Variants in ERC1 observed in about 807,000 individuals in gnomAD.
The protein encoded by ERC1 is ELKS/RAB6-interacting/CAST family member 1.
ERC1 carries 56 observed loss-of-function variants against 132.0 expected under a neutral mutation model. That is an observed-to-expected ratio of 0.42 (90% CI 0.34 to 0.53). ERC1 has a LOEUF of 0.53. Ranked by LOEUF, ERC1 falls within the 20% of genes least tolerant of loss-of-function variation. The pLI, the probability that ERC1 is intolerant of heterozygous loss-of-function variation, is 0.03. For synonymous variants in ERC1, 478 were observed against 476.1 expected (o/e 1.00, Z -0.05); for missense variants, 1,202 against 1,349.9 (o/e 0.89, Z 1.72).
intron 17 of ERC1, among the ~76,000 whole-genome samples, chr12:1,416,931 T>C (rs968122906): frequency 2.6e-5 from 4 of 152,088 alleles, no homozygotes; most frequent in African/African-American, 7.3e-5. Context: ...TTAATACCCT[T>C]CCTGCTTTTA....
Position 1,490,730 on chromosome 12 carries a change from G to T in ERC1, c.*500G>T, listed in dbSNP as rs928553727. On this transcript the variant is annotated 3_prime_UTR_variant, in exon 19 of 19. Coordinates refer to ENST00000360905, the MANE Select transcript of ERC1 (RefSeq NM_178040.4). ...TCTCAAAAAGATTAGAAAAAGAGAA[G>T]GGGGGAAGGGAAGAGAAAATCGACT... 1.7e-5 allele frequency: 4 copies of T among 233,868 alleles called. No homozygotes were observed. Among genetic ancestry groups the T allele is most frequent in the African/African-American group, 8.8e-5 (4 of 45,316 alleles). The allele number at this position is 233,868 out of a possible 1,614,324, so 14.5% of individuals were successfully genotyped here. A position where few individuals can be genotyped will look rare whatever the true frequency, so the allele number is the denominator to read the frequency against.
intron 2 of ERC1, among the ~76,000 whole-genome samples, chr12:1,082,652 G>A (rs777117619): frequency 2.0e-5 from 3 of 151,490 alleles, no homozygotes; most frequent in Non-Finnish European, 4.4e-5. Flanking sequence ...CACCACGCCC[G>A]GCTAACTTTT....
chr12:1,428,117 A>ATTT lies in ERC1; in HGVS notation c.3025-16443_3025-16441dup, dbSNP rs1387234666. On this transcript the variant is annotated intron_variant, in intron 17 of 18. Transcript: ENST00000360905. ...GGTTCATATCTTAATGATTATGGGC[A>ATTT]TTTTACTAATGAGGAAGAGCTATCT... is the stretch of plus-strand genomic sequence containing the variant. Among the ~76,000 whole-genome samples, 11 of 152,250 alleles carry ATTT rather than the reference A, an allele frequency of 7.2e-5. No individual in the cohort carries two copies. In the East Asian group the frequency reaches 2.1e-3, roughly 29 times the overall value.
intron 12 of ERC1, among the ~76,000 whole-genome samples, chr12:1,195,879 C>A (rs113121357): frequency 4.3e-5 from 6 of 138,166 alleles, no homozygotes; most frequent in African/African-American, 1.3e-4. Flanking sequence ...ATTTCCGCCC[C>A]CCCCCCCCTT....
intron 17 of ERC1, among the ~76,000 whole-genome samples, chr12:1,434,556 C>A (rs1372582604): frequency 6.6e-6 from 1 of 152,190 alleles, no homozygotes; most frequent in Non-Finnish European, 1.5e-5. Context: ...AGGGTTTGTT[C>A]TTTGCGCTCA....
intron 13 of ERC1, among the ~76,000 whole-genome samples, chr12:1,246,360 G>A (rs938659784): frequency 1.3e-5 from 2 of 152,020 alleles, no homozygotes; most frequent in Admixed American, 6.6e-5. Context: ...TATTTTAATC[G>A]TGAATGAAAT....
At chr12:1,273,971 T>C (rs2078065795) in intron 14 of ERC1, among the ~76,000 whole-genome samples, 1 of 152,220 alleles carries the variant, frequency 6.6e-6, no homozygotes, top group Admixed American at 6.5e-5. Flanking sequence ...TCAAAAGTAA[T>C]TTTTCCTTTA....
chr12:1,241,372 T>C (rs2075778459), intron 13 of ERC1, among the ~76,000 whole-genome samples: 1 of 152,220 alleles, frequency 6.6e-6, no homozygotes, highest in Admixed American at 6.5e-5. Flanking sequence ...CTCCTTTGAA[T>C]TGATATGTTA....
At chr12:1,265,617 G>T (rs1009059319) in intron 14 of ERC1, among the ~76,000 whole-genome samples, 3 of 152,140 alleles carry the variant, frequency 2.0e-5, no homozygotes, top group Admixed American at 6.5e-5. Flanking sequence ...TTTTCGTGAC[G>T]CACAGTCCCG....
chr12:1,022,238 G>A, intron 1 of ERC1, among the ~76,000 whole-genome samples: 1 of 152,138 alleles, frequency 6.6e-6, no homozygotes, highest in Admixed American at 6.5e-5. Context: ...TTTATATTGT[G>A]ATCCAGTATG....
chr12:1,137,992 A>G (rs2154246083), intron 7 of ERC1, among the ~76,000 whole-genome samples: 1 of 129,830 alleles, frequency 7.7e-6, no homozygotes, highest in East Asian at 2.1e-4. Flanking sequence ...TATATATAAT[A>G]TATATTAATA....
At chr12:1,180,977 AATTTTTTGT>A (rs1427729073) in intron 9 of ERC1, among the ~76,000 whole-genome samples, 15 of 151,768 alleles carry the variant, frequency 9.9e-5, no homozygotes, top group African/African-American at 3.6e-4. Context: ...ATGCCCAAGT[AATTTTTTGT>A]ATTTTTTGTA....
Position 1,494,672 on chromosome 12 carries a change from G to A in ERC1, c.*4442G>A, listed in dbSNP as rs1029084797. The A allele has an allele frequency of 4.3e-6, 1 of 230,946 alleles. No homozygotes were observed. Among genetic ancestry groups the A allele is most frequent in the Non-Finnish European group, 8.6e-6 (1 of 116,692 alleles). The allele number at this position is 230,946 out of a possible 1,614,324, so 14.3% of individuals were successfully genotyped here. On this transcript the variant is annotated 3_prime_UTR_variant, in exon 19 of 19. Coordinates refer to ENST00000360905, the MANE Select transcript of ERC1 (RefSeq NM_178040.4). ...GTTTTAGGGATTGATTTGGGGGAGC[G>A]GGTTTTTGTCCCATCCCACCTCCTC...
intron 9 of ERC1, among the ~76,000 whole-genome samples, chr12:1,181,614 C>A (rs536537739): frequency 6.6e-6 from 1 of 151,976 alleles, no homozygotes; most frequent in Non-Finnish European, 1.5e-5. Context: ...GCCTGACCAA[C>A]GTGGAGAAAC....
intron 16 of ERC1, among the ~76,000 whole-genome samples, chr12:1,398,930 CTTTTTTT>C (rs1162145460): frequency 2.1e-5 from 2 of 93,902 alleles, no homozygotes; most frequent in Admixed American, 1.2e-4. Flanking sequence ...TTTTCTCCTA[CTTTTTTT>C]TTTTTTTTTT....
chr12:1,389,338 C>T (rs1427343998), intron 16 of ERC1, among the ~76,000 whole-genome samples: 1 of 152,158 alleles, frequency 6.6e-6, no homozygotes, highest in Non-Finnish European at 1.5e-5. Flanking sequence ...AACAGAAATA[C>T]TACTTAAACC....
At chr12:1,367,273 T>C (rs550393335) in intron 15 of ERC1, among the ~76,000 whole-genome samples, 1 of 152,244 alleles carries the variant, frequency 6.6e-6, no homozygotes, top group Non-Finnish European at 1.5e-5. Flanking sequence ...TATTCCTACA[T>C]GTCCATGACA....
chr12:1,434,708 A>T (rs1395881237), intron 17 of ERC1, among the ~76,000 whole-genome samples: 3 of 152,228 alleles, frequency 2.0e-5, no homozygotes, highest in Non-Finnish European at 4.4e-5. Context: ...TGGGTGTTAC[A>T]TACACCCAAA....
chr12:1,264,532 C>T (rs1440827855), intron 14 of ERC1, among the ~76,000 whole-genome samples: 6 of 151,976 alleles, frequency 3.9e-5, no homozygotes, highest in African/African-American at 7.3e-5. Context: ...GGCGTGGTGG[C>T]GGGCGCCTGT....
Sources: allele counts gnomAD v4.1 joint callset (sites outside exome capture counted in the v4.1 genomes callset), GRCh38; gene constraint gnomAD v4.1.1; transcripts MANE v1.5; gene names NCBI Gene and HGNC (gene_info 2026-07-23, HGNC 2026-07-21).